Variants in SCGB2B2 observed in about 807,000 individuals in gnomAD.
SCGB2B2 encodes secretoglobin family 2B member 2, also known as secretoglobin-like protein.
Under a neutral mutation model 7.6 loss-of-function variants are expected in SCGB2B2, and 11 were observed. That is an observed-to-expected ratio of 1.45 (90% CI 0.91 to 2.40). The LOEUF is 2.40. Ranked by LOEUF, SCGB2B2 falls within the 30% of genes most tolerant of loss-of-function variation. The probability of loss-of-function intolerance (pLI) is 0.00; values close to 1 mark genes in which losing one functional copy is unlikely to be tolerated. For missense variants in SCGB2B2, 104 were observed against 115.4 expected, an observed-to-expected ratio of 0.90 and a Z score of 0.45; for synonymous variants, 50 against 48.6, an observed-to-expected ratio of 1.03 and a Z score of -0.12.
intron 1 of SCGB2B2, chr19:34,637,559 C>T (rs1482975757): frequency 2.6e-5 from 5 of 195,826 alleles, no homozygotes; most frequent in Non-Finnish European, 6.0e-5. Context: ...AGCTTCAATT[C>T]TTAAAAGTGC....
In SCGB2B2 at chr19:34,604,992, A is replaced by C. The variant is rs116739171; in HGVS notation, c.-2031-8398T>G. 7.0e-3 allele frequency among the ~76,000 whole-genome samples: 1,065 copies of C among 152,322 alleles called. 16 individuals are homozygous for C. Among genetic ancestry groups the C allele is most frequent in the African/African-American group, 0.024 (1,011 of 41,576 alleles). ...ATATGAACAGATTCATCTCTTATGA[A>C]AGTTTCCTTGTACCTCTTTAAGTGC... On this transcript the variant is annotated intron_variant, in intron 1 of 3. Coordinates refer to ENST00000601241, the MANE Select transcript of SCGB2B2 (RefSeq NM_001025591.4).
rs2065749060 is a variant in SCGB2B2 at position 34,605,408 on chromosome 19, T to C, written c.-2031-8814A>G. 2.6e-5 allele frequency among the ~76,000 whole-genome samples: 4 copies of C among 152,230 alleles called. No homozygotes were observed. The South Asian group carries it at 8.3e-4, about 32-fold the overall frequency. ...CTTGTGCTGTGCTTTTGTAGTCAGA[T>C]GGTCTCCTTGCCCTTAATCCTGAGT... is the stretch of plus-strand genomic sequence containing the variant. On this transcript the variant is annotated intron_variant, in intron 1 of 3. Coordinates refer to ENST00000601241, the MANE Select transcript of SCGB2B2 (RefSeq NM_001025591.4).
At chr19:34,635,011 T>TA (rs1160440850) in intron 1 of SCGB2B2, 1 of 295,674 alleles carries the variant, frequency 3.4e-6, no homozygotes, top group Non-Finnish European at 7.0e-6. Flanking sequence ...AGTGCACTTA[T>TA]AAGGCCTTTC....
chr19:34,593,532 T>A lies in SCGB2B2; in HGVS notation c.*23A>T, dbSNP rs2065353377. 24 of 1,543,106 alleles carry A rather than the reference T, an allele frequency of 1.6e-5. No homozygotes were observed. The highest frequency in any genetic ancestry group is 2.1e-5 in the Non-Finnish European group (24 of 1,140,062). ...CCCAAGGAAGGCAGGAGGGCCAATA[T>A]CTGATCTGCAGGGGTCCTCAGATCA... On this transcript the variant is annotated 3_prime_UTR_variant, in exon 4 of 4. Transcript: ENST00000601241.
At chr19:34,620,503 G>A (rs2066210534) in intron 1 of SCGB2B2, among the ~76,000 whole-genome samples, 1 of 64,520 alleles carries the variant, frequency 1.5e-5, no homozygotes, top group Non-Finnish European at 2.6e-5. Flanking sequence ...ATAGGGTGGG[G>A]TACATCACAC....
At chr19:34,626,384 T>C (rs953218778) in intron 1 of SCGB2B2, among the ~76,000 whole-genome samples, 1 of 152,022 alleles carries the variant, frequency 6.6e-6, no homozygotes, top group Non-Finnish European at 1.5e-5. Context: ...AGTGGCTAAC[T>C]AGAATAATCA....
chr19:34,612,638 G>GATGAA (rs1444501435), intron 1 of SCGB2B2, among the ~76,000 whole-genome samples: 1 of 152,016 alleles, frequency 6.6e-6, no homozygotes, highest in African/African-American at 2.4e-5. Context: ...ACAGTTGTTG[G>GATGAA]ATGAAATAGT....
intron 1 of SCGB2B2, among the ~76,000 whole-genome samples, chr19:34,668,282 C>A (rs954150640): frequency 9.2e-5 from 14 of 152,196 alleles, no homozygotes; most frequent in Admixed American, 9.2e-4. Flanking sequence ...GGGCCCCGCA[C>A]TCCGAGCTGC....
chr19:34,635,330 C>T, intron 1 of SCGB2B2: 1 of 295,994 alleles, frequency 3.4e-6, no homozygotes, highest in Non-Finnish European at 7.0e-6. Context: ...TATAGGCTTT[C>T]CCACATTCAC....
At chr19:34,585,531 G>T in the SCGB2B2 span, among the ~76,000 whole-genome samples, 1 of 152,180 alleles carries the variant, frequency 6.6e-6, no homozygotes, top group Admixed American at 6.5e-5. Context: ...CCATAACATT[G>T]CAGTAAAGAA....
Position 34,665,141 on chromosome 19 carries a change from G to A in SCGB2B2, c.-2032+10489C>T, listed in dbSNP as rs950482836. 4.3e-4 allele frequency among the ~76,000 whole-genome samples: 66 copies of A among 152,180 alleles called. 3 individuals carry two copies. Among genetic ancestry groups the A allele is most frequent in the Non-Finnish European group, 1.2e-4 (8 of 68,030 alleles). On this transcript the variant is annotated intron_variant, in intron 1 of 3. Coordinates refer to ENST00000601241, the MANE Select transcript of SCGB2B2 (RefSeq NM_001025591.4). ...ACAATTGCTGTCCTCCCTCTGAAAT[G>A]GTGGCCATGAGAGTGCAGGCCTTGC... is the stretch of plus-strand genomic sequence containing the variant.
At chr19:34,597,939 A>AT (rs2065508171) in intron 1 of SCGB2B2, among the ~76,000 whole-genome samples, 1 of 151,738 alleles carries the variant, frequency 6.6e-6, no homozygotes, top group South Asian at 2.1e-4. Context: ...CCATGTTAGG[A>AT]TAGAGAGTCC....
intron 1 of SCGB2B2, among the ~76,000 whole-genome samples, chr19:34,634,393 G>C (rs1277110631): frequency 6.6e-6 from 1 of 152,118 alleles, no homozygotes; most frequent in Non-Finnish European, 1.5e-5. Context: ...TCTCCCACAG[G>C]TACTGGCAGT....
At chr19:34,613,097 CTTTTCTT>C (rs1317403280) in intron 1 of SCGB2B2, among the ~76,000 whole-genome samples, 2 of 74,784 alleles carry the variant, frequency 2.7e-5, no homozygotes, top group African/African-American at 1.3e-4. Context: ...TCTTCATTTT[CTTTTCTT>C]TTTTTTTTTT....
intron 1 of SCGB2B2, among the ~76,000 whole-genome samples, chr19:34,627,038 C>T (rs565265842): frequency 6.6e-6 from 1 of 152,146 alleles, no homozygotes; most frequent in Non-Finnish European, 1.5e-5. Flanking sequence ...AAATAAAATC[C>T]TTTACAGACA....
At chr19:34,650,376 C>T (rs2067132247) in intron 1 of SCGB2B2, among the ~76,000 whole-genome samples, 1 of 151,304 alleles carries the variant, frequency 6.6e-6, no homozygotes, top group Non-Finnish European at 1.5e-5. Context: ...GTATGTGGAC[C>T]TGTGGTGTGG....
At chr19:34,673,883 A>G (rs557424393) in intron 1 of SCGB2B2, among the ~76,000 whole-genome samples, 78 of 152,336 alleles carry the variant, frequency 5.1e-4, no homozygotes, top group Non-Finnish European at 9.8e-4. Flanking sequence ...AACTATACTT[A>G]AAATGGCATC....
chr19:34,617,999 G>A (rs957249382), intron 1 of SCGB2B2, among the ~76,000 whole-genome samples: 6 of 152,176 alleles, frequency 3.9e-5, no homozygotes, highest in Non-Finnish European at 7.3e-5. Context: ...GCTCGTGCAC[G>A]GTGCGTGCAC....
rs1393808448 is a variant in SCGB2B2, at chr19:34,596,145, A to G, written c.-1582T>C. ...CTACCCAGCATTGGGTAGGACTTAG[A>G]GTGGCCGTCACCAGTGGCAGGGCCC... is the stretch of plus-strand genomic sequence containing the variant. On this transcript the variant is annotated 5_prime_UTR_variant, in exon 2 of 4. Coordinates refer to ENST00000601241, the MANE Select transcript of SCGB2B2 (RefSeq NM_001025591.4). 1 of 152,296 alleles carries G rather than the reference A, an allele frequency of 6.6e-6. No individual in the cohort carries two copies. Among genetic ancestry groups the G allele is most frequent in the Non-Finnish European group, 1.5e-5 (1 of 68,090 alleles). 9.4% of individuals were successfully genotyped at this position (152,296 alleles called of 1,614,324 possible). A position where few individuals can be genotyped will look rare whatever the true frequency, so the allele number is the denominator to read the frequency against.
Sources: allele counts gnomAD v4.1 joint callset (sites outside exome capture counted in the v4.1 genomes callset), GRCh38; gene constraint gnomAD v4.1.1; transcripts MANE v1.5; gene names NCBI Gene and HGNC (gene_info 2026-07-23, HGNC 2026-07-21).